The following WIF1 variants were observed in gnomAD, a reference collection of about 807,000 sequenced individuals.
WIF1 encodes the protein Wnt inhibitory factor 1.
In WIF1, 35 loss-of-function variants were observed where a neutral mutation model predicts 53.5. The observed-to-expected ratio is 0.65, with a 90% confidence interval of 0.50 to 0.87. The LOEUF is 0.87. WIF1 is among the 40% of genes least tolerant of loss of function. The pLI is 0.00. For synonymous variants in WIF1, 171 were observed against 170.4 expected, an observed-to-expected ratio of 1.00 and a Z score of -0.03; for missense variants, 467 against 476.8, an observed-to-expected ratio of 0.98 and a Z score of 0.19.
chr12:65,062,669 T>C (rs916522371), intron 6 of WIF1, 93 bp from the exon 7 acceptor site: 1 of 1,102,442 alleles, frequency 9.1e-7, no homozygotes, highest in Non-Finnish European at 1.3e-6. Context: ...TTTAGGCATC[T>C]GCTTGCTACT....
intron 2 of WIF1, among the ~76,000 whole-genome samples, chr12:65,081,308 A>C (rs1176974148): frequency 1.3e-5 from 2 of 152,162 alleles, no homozygotes; most frequent in African/African-American, 2.4e-5. Context: ...ATTTGCATAA[A>C]ATAGCTTCTG....
At chr12:65,077,106 TAA>T (rs1279670681) in intron 3 of WIF1, among the ~76,000 whole-genome samples, 1 of 152,172 alleles carries the variant, frequency 6.6e-6, no homozygotes, top group Non-Finnish European at 1.5e-5. Flanking sequence ...TCAAATCTCC[TAA>T]GTCTTAATTT....
chr12:65,068,683 GTGTA>G (rs199595567), intron 4 of WIF1, 77 bp downstream of exon 4: 4 of 1,019,644 alleles, frequency 3.9e-6, no homozygotes, highest in Non-Finnish European at 5.7e-6. Context: ...GTGTGTGTGT[GTGTA>G]TAGATATAAA....
intron 2 of WIF1, among the ~76,000 whole-genome samples, chr12:65,084,871 TCTGTGTGG>T (rs1883011858): frequency 1.3e-5 from 2 of 152,268 alleles, no homozygotes; most frequent in East Asian, 3.9e-4. Context: ...CTCTTACTCT[TCTGTGTGG>T]TCAGTCATTG....
At chr12:65,060,370 T>C (rs1882594214) in intron 7 of WIF1, among the ~76,000 whole-genome samples, 1 of 152,204 alleles carries the variant, frequency 6.6e-6, no homozygotes, top group Admixed American at 6.5e-5. Context: ...TAAAAAGGAA[T>C]AATGCAGTGA....
intron 2 of WIF1, among the ~76,000 whole-genome samples, chr12:65,117,269 A>G (rs1883526996): frequency 1.3e-5 from 2 of 152,334 alleles, no homozygotes; most frequent in South Asian, 4.1e-4. Flanking sequence ...GCCTTTTGCC[A>G]TCAGAGTCTA....
At chr12:65,114,808 A>G (rs1883484881) in intron 2 of WIF1, among the ~76,000 whole-genome samples, 3 of 152,174 alleles carry the variant, frequency 2.0e-5, no homozygotes, top group Admixed American at 2.0e-4. Flanking sequence ...GCAGCAGACA[A>G]AATTCTCCTG....
At chr12:65,104,166 A>G (rs1312042559) in intron 2 of WIF1, among the ~76,000 whole-genome samples, 1 of 152,172 alleles carries the variant, frequency 6.6e-6, no homozygotes, top group African/African-American at 2.4e-5. Flanking sequence ...CAGACAGTAA[A>G]TGCCCCATAT....
At chr12:65,100,866 A>G (rs550967168) in intron 2 of WIF1, among the ~76,000 whole-genome samples, 30 of 152,200 alleles carry the variant, frequency 2.0e-4, no homozygotes, top group Non-Finnish European at 3.8e-4. Flanking sequence ...ACAAAAAAGA[A>G]ATAATAAAAT....
chr12:65,116,343 C>T (rs1289886221), intron 2 of WIF1, among the ~76,000 whole-genome samples: 5 of 152,024 alleles, frequency 3.3e-5, no homozygotes, highest in African/African-American at 9.7e-5. Flanking sequence ...AGATCAGCAG[C>T]GGCATTAGGT....
intron 6 of WIF1, among the ~76,000 whole-genome samples, chr12:65,063,841 A>G (rs1882649439): frequency 6.6e-6 from 1 of 152,024 alleles, no homozygotes; most frequent in Admixed American, 6.6e-5. Context: ...AGCCTCCCAG[A>G]TGGCTGGGAG....
chr12:65,056,960 T>C, intron 7 of WIF1, among the ~76,000 whole-genome samples: 1 of 152,228 alleles, frequency 6.6e-6, no homozygotes, highest in East Asian at 1.9e-4. Flanking sequence ...AAGTTTTGAT[T>C]TTTGAATGTC....
At chr12:65,054,713 C>T (rs1882497425) in intron 9 of WIF1, among the ~76,000 whole-genome samples, 1 of 152,140 alleles carries the variant, frequency 6.6e-6, no homozygotes, top group Admixed American at 6.5e-5. Flanking sequence ...ATTATAAAAT[C>T]AGAGGTAAGG....
At position 65,056,719 on chromosome 12, in the gene WIF1, G is replaced by A. The variant is rs555768608; in HGVS notation, c.827-593C>T. The stretch of plus-strand genomic sequence containing the variant: ...GGCTGGAGTGCAGTGGCAGGATCTC[G>A]GCTCACTGCATCCTCCGCCTCCCAG... On this transcript the variant is annotated intron_variant, in intron 7 of 9. Coordinates refer to ENST00000286574, the MANE Select transcript of WIF1 (RefSeq NM_007191.5). Among the ~76,000 whole-genome samples, 44 of 151,834 alleles carry A rather than the reference G, an allele frequency of 2.9e-4. 1 individual carries two copies. Among genetic ancestry groups the A allele is most frequent in the African/African-American group, 9.7e-4 (40 of 41,400 alleles).
At position 65,120,511 on chromosome 12, in the gene WIF1, G is replaced by T; in HGVS notation, c.194C>A (p.Pro65His). Reference protein sequence around the residue: ...ILIVSEGKMAPFTHDFRKAQQ... With the variant: ...ILIVSEGKMAHFTHDFRKAQQ... Reference sequence around the variant, plus strand: ...TGCTTTTCTGAAATCATGTGTAAAAGGTGCCATTTTCCCCTCTGAAACAAT... The same window carrying T: ...TGCTTTTCTGAAATCATGTGTAAAATGTGCCATTTTCCCCTCTGAAACAAT... The change falls in exon 2 of 10, where the codon CCT becomes CAT. Residue 65 changes from proline (P) to histidine (H), a missense_variant. Coordinates refer to ENST00000286574, the MANE Select transcript of WIF1 (RefSeq NM_007191.5). 1 of 1,613,958 alleles carries T rather than the reference G, an allele frequency of 6.2e-7. No homozygotes were observed. The highest frequency in any genetic ancestry group is 8.5e-7 in the Non-Finnish European group (1 of 1,179,972).
At chr12:65,079,259 C>A (rs1471848806) in intron 2 of WIF1, among the ~76,000 whole-genome samples, 1 of 150,790 alleles carries the variant, frequency 6.6e-6, no homozygotes, top group Admixed American at 6.6e-5. Context: ...CCAATAAATT[C>A]AATGACTTTG....
At chr12:65,082,930 A>G (rs1225427176) in intron 2 of WIF1, among the ~76,000 whole-genome samples, 1 of 152,212 alleles carries the variant, frequency 6.6e-6, no homozygotes, top group Non-Finnish European at 1.5e-5. Flanking sequence ...TAACCCATAT[A>G]TCATGATGCT....
intron 2 of WIF1, among the ~76,000 whole-genome samples, chr12:65,102,175 C>T (rs149922982): frequency 1.3e-5 from 2 of 152,280 alleles, no homozygotes; most frequent in African/African-American, 4.8e-5. Flanking sequence ...TAACTTCTCT[C>T]ACTGGTGGGC....
intron 2 of WIF1, among the ~76,000 whole-genome samples, chr12:65,096,269 C>A (rs551533385): frequency 7.5e-4 from 114 of 152,270 alleles, no homozygotes; most frequent in African/African-American, 2.6e-3. Flanking sequence ...AAAATAAGCT[C>A]ATTATCACTG....
Sources: allele counts gnomAD v4.1 joint callset (sites outside exome capture counted in the v4.1 genomes callset), GRCh38; gene constraint gnomAD v4.1.1; transcripts MANE v1.5; gene names NCBI Gene and HGNC (gene_info 2026-07-23, HGNC 2026-07-21).